The following DNAH12 variants were observed in gnomAD, a reference collection of about 807,000 sequenced individuals.
The protein encoded by DNAH12 is axonemal beta dynein heavy chain 12.
In DNAH12, 285 loss-of-function variants were observed where a neutral mutation model predicts 371.5. The observed-to-expected ratio is 0.77, with a 90% confidence interval of 0.70 to 0.85. The LOEUF is 0.85. Among genes scored for constraint, DNAH12 ranks in the 40% least tolerant of loss-of-function variants. The probability of loss-of-function intolerance (pLI) is 0.00; values close to 1 mark genes in which losing one functional copy is unlikely to be tolerated. For missense variants in DNAH12, 3,611 were observed against 3,689.4 expected, an observed-to-expected ratio of 0.98 and a Z score of 0.55; for synonymous variants, 1,200 against 1,213.0, an observed-to-expected ratio of 0.99 and a Z score of 0.22.
rs143110914 is a variant in DNAH12 at position 57,340,089 on chromosome 3, T to C, written c.9675-5149A>G. Among the ~76,000 whole-genome samples the C allele has an allele frequency of 3.6e-3, 547 of 151,686 alleles. 5 individuals are homozygous for C. The highest frequency in any genetic ancestry group is 0.013 in the African/African-American group (522 of 41,284). The stretch of plus-strand genomic sequence containing the variant: ...CTGTTTCAAAAAAAAAAAAAATTCC[T>C]TGAAGCAAATGAAAATAGAAACACA... On this transcript the variant is annotated intron_variant, in intron 60 of 73. Transcript: ENST00000495027.
At chr3:57,467,798 T>A (rs2066249280) in intron 17 of DNAH12, among the ~76,000 whole-genome samples, 1 of 152,138 alleles carries the variant, frequency 6.6e-6, no homozygotes, top group South Asian at 2.1e-4. Flanking sequence ...GTATTCTCCT[T>A]GATCTGCCCC....
chr3:57,393,129 A>C (rs1239662435), intron 44 of DNAH12, among the ~76,000 whole-genome samples: 3 of 152,200 alleles, frequency 2.0e-5, no homozygotes, highest in Non-Finnish European at 4.4e-5. Flanking sequence ...CTCAAACCTC[A>C]CAACAACCCC....
At chr3:57,484,519 A>G (rs2066861254) in intron 12 of DNAH12, among the ~76,000 whole-genome samples, 1 of 152,050 alleles carries the variant, frequency 6.6e-6, no homozygotes, top group African/African-American at 2.4e-5. Context: ...TCCATCTCTC[A>G]CCTTATACAA....
intron 2 of DNAH12, among the ~76,000 whole-genome samples, chr3:57,539,605 T>C (rs1217389160): frequency 2.3e-5 from 3 of 132,702 alleles, no homozygotes; most frequent in Non-Finnish European, 4.7e-5. Flanking sequence ...GTCTTATTTC[T>C]TTCCTTTTCC....
At chr3:57,302,528 T>A (rs1159907871) in intron 69 of DNAH12, among the ~76,000 whole-genome samples, 1 of 17,638 alleles carries the variant, frequency 5.7e-5, no homozygotes, top group Non-Finnish European at 1.0e-4. Context: ...AGGCATCAGG[T>A]GTATATATAT....
Position 57,309,675 on chromosome 3 carries a change from GA to G in DNAH12, c.11075del (p.Ile3692ThrfsTer20), listed in dbSNP as rs2061547095. The G allele has an allele frequency of 3.3e-6, 5 of 1,515,102 alleles. No individual in the cohort carries two copies. The highest frequency in any genetic ancestry group is 4.4e-6 in the Non-Finnish European group (5 of 1,133,980). The allele number at this position is 1,515,102 out of a possible 1,614,324, so 93.9% of individuals were successfully genotyped here. A position where few individuals can be genotyped will look rare whatever the true frequency, so the allele number is the denominator to read the frequency against. The stretch of plus-strand genomic sequence containing the variant: ...TTAAGCTGAACATTACCTTGTTGAG[GA>G]TATCTTTGGTAATTTCTAACAGAAT... ...DQILLEITKD[I>X]LNKLPSDFDI... On this transcript the variant is annotated frameshift_variant, in exon 68 of 74. Transcript: ENST00000495027. LOFTEE classifies it high-confidence loss of function.
chr3:57,513,051 T>C (rs1010587825), intron 4 of DNAH12, among the ~76,000 whole-genome samples: 2 of 151,830 alleles, frequency 1.3e-5, no homozygotes, highest in Non-Finnish European at 2.9e-5. Context: ...AGGCAGAGAA[T>C]TGCTTGAATC....
In DNAH12 at chr3:57,446,022, T is replaced by TA. The variant is rs2065482196; in HGVS notation, c.4179+8dup. The stretch of plus-strand genomic sequence containing the variant: ...ATAAATAAATAAATAAATAAATAAA[T>TA]AATATTACCTTAAGATTGTCCGGCA... On this transcript the variant is annotated intron_variant, in intron 27 of 73. Coordinates refer to ENST00000495027, the MANE Select transcript of DNAH12 (RefSeq NM_001366028.2). 6.2e-6 allele frequency: 2 copies of TA among 323,886 alleles called. No homozygotes were observed. Among genetic ancestry groups the TA allele is most frequent in the Non-Finnish European group, 4.2e-6 (1 of 235,462 alleles). The allele number at this position is 323,886 out of a possible 1,614,324, so 20.1% of individuals were successfully genotyped here.
intron 58 of DNAH12, among the ~76,000 whole-genome samples, chr3:57,357,881 A>C (rs1575498543): frequency 1.3e-5 from 2 of 152,222 alleles, no homozygotes; most frequent in African/African-American, 4.8e-5. Context: ...TGATGGTTTT[A>C]TATACAAGAA....
intron 8 of DNAH12, among the ~76,000 whole-genome samples, chr3:57,505,022 GA>G (rs1553713456): frequency 2.0e-5 from 3 of 152,076 alleles, no homozygotes; most frequent in Non-Finnish European, 4.4e-5. Flanking sequence ...TGAGTAGCTG[GA>G]ACTACATTCA....
chr3:57,323,110 G>A lies in DNAH12; in HGVS notation c.10280C>T (p.Ala3427Val). 6.4e-7 allele frequency: 1 copy of A among 1,552,424 alleles called. No individual in the cohort carries two copies. Among genetic ancestry groups the A allele is most frequent in the South Asian group, 1.2e-5 (1 of 84,070 alleles). ...TTCCAACATGGGCATCCAGGACACT[G>A]CAAGATGGCAATTCTGTAGGCACAC... ...TWVCLQNCHLAVSWMPMLEKI... is the reference protein window; with the variant it reads ...TWVCLQNCHLVVSWMPMLEKI... Residue 3427 changes from alanine to valine, a missense_variant, in exon 64 of 74, where the codon GCA becomes GTA. Physicochemically the swap from Ala to Val is moderately conservative, Grantham distance 64. This residue lies in a region of DNAH12 where 2,266 missense variants were observed against 2,236.9 expected (regional missense o/e 1.01). Transcript: ENST00000495027.
the DNAH12 span, among the ~76,000 whole-genome samples, chr3:57,550,066 T>C: frequency 6.6e-6 from 1 of 152,032 alleles, no homozygotes; most frequent in African/African-American, 2.4e-5. Context: ...CCCAACACTC[T>C]GGGAGGCCAA....
At chr3:57,435,373 C>CCAAAAAAAAAAAAAAAAAAAA (rs1553691248) in intron 30 of DNAH12, among the ~76,000 whole-genome samples, 1 of 94,742 alleles carries the variant, frequency 1.1e-5, no homozygotes, top group Non-Finnish European at 2.0e-5. Flanking sequence ...CTCTGTCTCC[C>CCAAAAAAAAAAAAAAAAAAAA]AAAAAAAAAA....
At chr3:57,532,510 G>A (rs1049321338) in intron 2 of DNAH12, among the ~76,000 whole-genome samples, 11 of 152,168 alleles carry the variant, frequency 7.2e-5, no homozygotes, top group Admixed American at 5.9e-4. Context: ...GAAGGAACTT[G>A]GGTGTTGTGA....
intron 65 of DNAH12, among the ~76,000 whole-genome samples, chr3:57,320,677 A>C (rs1330604039): frequency 6.6e-6 from 1 of 152,190 alleles, no homozygotes; most frequent in African/African-American, 2.4e-5. Context: ...AGAACCAGCC[A>C]CATCAACATC....
intron 7 of DNAH12, 116 bp downstream of exon 7, chr3:57,508,266 C>A: frequency 2.0e-5 from 19 of 952,218 alleles, no homozygotes; most frequent in South Asian, 1.0e-4. Flanking sequence ...TTTTTTTAAA[C>A]TCTAAAATCT....
intron 39 of DNAH12, 95 bp downstream of exon 39, chr3:57,413,651 C>T: frequency 3.0e-6 from 4 of 1,324,830 alleles, no homozygotes; most frequent in South Asian, 3.2e-5. Context: ...TATTCTTTTC[C>T]CTAAATATCT....
chr3:57,322,304 A>G, intron 65 of DNAH12, 39 bp downstream of exon 65: 2 of 1,528,614 alleles, frequency 1.3e-6, no homozygotes, highest in Non-Finnish European at 1.8e-6. Context: ...TTTGATCACT[A>G]TAAAACACAT....
Position 57,415,466 on chromosome 3 carries a change from TA to T in DNAH12, c.5812del (p.Tyr1938IlefsTer38). 6.4e-7 allele frequency: 1 copy of T among 1,550,908 alleles called. No homozygotes were observed. On this transcript the variant is annotated frameshift_variant, in exon 38 of 74. Coordinates refer to ENST00000495027, the MANE Select transcript of DNAH12 (RefSeq NM_001366028.2). LOFTEE classifies it high-confidence loss of function. ...HLEKDQYFPF[Y>X]INLSARTSAN... Reference sequence around the variant, plus strand: ...GCTGGTCCGTGCAGATAAGTTAATATAAAAAGGAAAGTACTGGTCCTTTTCC... The same window carrying T: ...GCTGGTCCGTGCAGATAAGTTAATATAAAAGGAAAGTACTGGTCCTTTTCC...
Sources: gnomAD v4.1 joint callset for allele counts (sites outside exome capture counted in the v4.1 genomes callset) on GRCh38, gnomAD v4.1.1 for gene constraint, gnomAD v4.1.1 regional missense constraint, MANE v1.5 for transcripts, NCBI Gene and HGNC (gene_info 2026-07-23, HGNC 2026-07-21) for gene names.